The following TMEM108 variants were observed in gnomAD, a reference collection of about 807,000 sequenced individuals.
TMEM108 encodes the protein transmembrane protein 108.
TMEM108 carries 12 observed loss-of-function variants against 35.1 expected under a neutral mutation model. The ratio of observed to expected loss-of-function variants is 0.34; its 90% CI spans 0.22 to 0.55. TMEM108 has a LOEUF of 0.55. Among genes scored for constraint, TMEM108 ranks in the 20% least tolerant of loss-of-function variants. The pLI is 0.89. For missense variants in TMEM108, 680 were observed against 753.3 expected, an observed-to-expected ratio of 0.90 and a Z score of 1.14; for synonymous variants, 287 against 308.6, an observed-to-expected ratio of 0.93 and a Z score of 0.73.
Position 133,380,879 on chromosome 3 carries a change from T to A in TMEM108, c.1168T>A (p.Ser390Thr). The A allele has an allele frequency of 6.2e-7, 1 of 1,614,096 alleles. No individual in the cohort carries two copies. The change falls in exon 4 of 6, where the codon TCC (serine) becomes ACC (threonine). Residue 390 changes from serine (S) to threonine (T), a missense_variant. By Grantham distance (58) the Ser-to-Thr change is moderately conservative. This residue lies in a region of TMEM108 where 526 missense variants were observed against 532.1 expected (regional missense o/e 0.99). Transcript: ENST00000321871. This position sits in a 1 kb window ranked among gnomAD's most constrained non-coding sequence, Gnocchi z 5.3. ...AACCCCACAAGCTCCAACCCATCCC[T>A]CCAGGGTCTCAGAAAGCACTATTTC... ...STTPQAPTHPSRVSESTISGA... is the reference protein window; with the variant it reads ...STTPQAPTHPTRVSESTISGA...
chr3:133,388,536 A>G (rs1455809599), intron 4 of TMEM108: 1 of 985,276 alleles, frequency 1.0e-6, no homozygotes. Context: ...GTTCTGTACC[A>G]GCTAATCTCT....
chr3:133,312,520 G>A (rs2071144873), intron 3 of TMEM108, among the ~76,000 whole-genome samples: 3 of 152,232 alleles, frequency 2.0e-5, no homozygotes, highest in Admixed American at 6.5e-5. Context: ...AAGGCTCTGT[G>A]GGTGTGGGAC....
At chr3:133,200,835 G>T (rs1464307008) in intron 2 of TMEM108, among the ~76,000 whole-genome samples, 4 of 152,132 alleles carry the variant, frequency 2.6e-5, no homozygotes, top group South Asian at 2.1e-4. Flanking sequence ...AAATGTAAAT[G>T]AATTAAAATT....
At chr3:133,303,508 T>C (rs1947260280) in intron 3 of TMEM108, among the ~76,000 whole-genome samples, 1 of 152,164 alleles carries the variant, frequency 6.6e-6, no homozygotes, top group Admixed American at 6.5e-5. Context: ...GGATTCAGTA[T>C]CCTGAAAAGA....
chr3:133,107,383 A>C (rs1349101918), intron 2 of TMEM108, among the ~76,000 whole-genome samples: 2 of 152,144 alleles, frequency 1.3e-5, no homozygotes, highest in East Asian at 3.9e-4. Context: ...AGAGCCCATG[A>C]AAGATAAAAC....
At chr3:133,381,360 A>G (rs528014524) in intron 4 of TMEM108, among the ~76,000 whole-genome samples, 199 bp downstream of exon 4, 3 of 152,184 alleles carry the variant, frequency 2.0e-5, no homozygotes, top group Non-Finnish European at 4.4e-5. Context: ...ATGCCTGCTG[A>G]TCATAAAGTC....
At chr3:133,061,044 A>G (rs1398120944) in intron 2 of TMEM108, among the ~76,000 whole-genome samples, 2 of 152,176 alleles carry the variant, frequency 1.3e-5, no homozygotes, top group African/African-American at 2.4e-5. Context: ...CACAGACAAC[A>G]TAAATAATAT....
chr3:133,307,790 T>C (rs575916663), intron 3 of TMEM108, among the ~76,000 whole-genome samples: 15 of 152,252 alleles, frequency 9.9e-5, no homozygotes, highest in African/African-American at 3.4e-4. Context: ...TAGTATAATT[T>C]GAAGTCAGGT....
At chr3:133,312,562 G>A (rs764816899) in intron 3 of TMEM108, among the ~76,000 whole-genome samples, 13 of 152,250 alleles carry the variant, frequency 8.5e-5, no homozygotes, top group Admixed American at 1.3e-4. Context: ...CTCCTGGTCT[G>A]CTGGTTGCTA....
chr3:133,244,697 C>T lies in TMEM108; in HGVS notation c.40+15346C>T, dbSNP rs562184782. Among the ~76,000 whole-genome samples the T allele has an allele frequency of 1.5e-4, 23 of 152,314 alleles. No homozygotes were observed. In the South Asian group the frequency reaches 4.8e-3, roughly 32 times the overall value. ...AACTTTTGGCAGAATCATTGCCAGC[C>T]TGACAATCCTCCAAATTTCCCGAAG... On this transcript the variant is annotated intron_variant, in intron 3 of 5. Coordinates refer to ENST00000321871, the MANE Select transcript of TMEM108 (RefSeq NM_023943.4).
At chr3:133,270,316 T>G (rs2107681360) in intron 3 of TMEM108, among the ~76,000 whole-genome samples, 1 of 152,348 alleles carries the variant, frequency 6.6e-6, no homozygotes, top group East Asian at 1.9e-4. Flanking sequence ...TGCTGCTGTA[T>G]TTCCAGCACC....
intron 2 of TMEM108, among the ~76,000 whole-genome samples, chr3:133,071,274 G>A (rs1276955071): frequency 6.6e-6 from 1 of 152,130 alleles, no homozygotes; most frequent in African/African-American, 2.4e-5. Context: ...AGATCAGGGT[G>A]TCAGCAGGGT....
chr3:133,045,196 C>G (rs1224446679), intron 1 of TMEM108, among the ~76,000 whole-genome samples: 1 of 152,138 alleles, frequency 6.6e-6, no homozygotes, highest in Non-Finnish European at 1.5e-5. Flanking sequence ...TCTTGATCGC[C>G]TGATCTTGTG....
rs1474776618 is a variant in TMEM108 at position 133,070,775 on chromosome 3, CTG to C, written c.-47+24763_-47+24764del. ...TGTGTGTGTGTGTGTGTGTGTGTAT[CTG>C]TGTGTGTTTGTGTGAGTGTGTTTAA... On this transcript the variant is annotated intron_variant, in intron 2 of 5. Transcript: ENST00000321871. 3.1e-4 allele frequency among the ~76,000 whole-genome samples: 30 copies of C among 97,074 alleles called. 1 individual carries two copies. In the South Asian group the frequency reaches 9.4e-3, roughly 30 times the overall value. 63.7% of individuals were successfully genotyped at this position (97,074 alleles called of 152,430 possible).
chr3:133,090,477 C>T (rs1326638821), intron 2 of TMEM108, among the ~76,000 whole-genome samples: 3 of 152,214 alleles, frequency 2.0e-5, no homozygotes, highest in Admixed American at 6.5e-5. Context: ...TTTCCCATCT[C>T]AGCTGTAGGC....
intron 1 of TMEM108, among the ~76,000 whole-genome samples, chr3:133,043,376 G>A (rs1943297824): frequency 6.6e-6 from 1 of 152,192 alleles, no homozygotes; most frequent in African/African-American, 2.4e-5. Flanking sequence ...GGGTGGAAGA[G>A]TGTTAGGGGT....
intron 2 of TMEM108, among the ~76,000 whole-genome samples, chr3:133,220,742 T>A (rs6803959): frequency 6.6e-6 from 1 of 151,956 alleles, no homozygotes; most frequent in South Asian, 2.1e-4. Flanking sequence ...GAGGTAGGAT[T>A]GGATCCTACA....
At chr3:133,241,313 C>T (rs1946309347) in intron 3 of TMEM108, among the ~76,000 whole-genome samples, 1 of 152,248 alleles carries the variant, frequency 6.6e-6, no homozygotes, top group African/African-American at 2.4e-5. Flanking sequence ...TCTTTCTTTT[C>T]TCCCTCTCCT....
At chr3:133,315,200 G>A (rs2071182104) in intron 3 of TMEM108, among the ~76,000 whole-genome samples, 1 of 152,170 alleles carries the variant, frequency 6.6e-6, no homozygotes, top group African/African-American at 2.4e-5. Context: ...TAAAGGCATG[G>A]ATTAATATCC....
Sources: allele counts gnomAD v4.1 joint callset (sites outside exome capture counted in the v4.1 genomes callset), GRCh38; gene constraint gnomAD v4.1.1; regional missense constraint gnomAD v4.1.1; non-coding constraint Gnocchi (gnomAD v3.1); transcripts MANE v1.5; gene names NCBI Gene and HGNC (gene_info 2026-07-23, HGNC 2026-07-21).